FSTL4: variants seen among roughly 807,000 people sequenced by gnomAD.
FSTL4 encodes follistatin like 4, also known as follistatin-related protein 4.
Under a neutral mutation model 78.2 loss-of-function variants are expected in FSTL4, and 28 were observed. The observed-to-expected ratio is 0.36, with a 90% confidence interval of 0.27 to 0.49. The LOEUF is 0.49. Ranked by LOEUF, FSTL4 falls within the 20% of genes least tolerant of loss-of-function variation. The pLI is 0.98. For synonymous variants in FSTL4, 422 were observed against 440.5 expected (o/e 0.96, Z 0.53); for missense variants, 922 against 1,084.9 (o/e 0.85, Z 2.11).
At chr5:133,759,341 G>A in the FSTL4 span, among the ~76,000 whole-genome samples, 1 of 152,188 alleles carries the variant, frequency 6.6e-6, no homozygotes. Context: ...TCCTGTACAT[G>A]CATAGTGAGA....
intron 6 of FSTL4, among the ~76,000 whole-genome samples, chr5:133,272,424 G>A (rs1247475130): frequency 6.6e-6 from 1 of 152,210 alleles, no homozygotes; most frequent in African/African-American, 2.4e-5. Flanking sequence ...GGAGGCACGC[G>A]CGTGCAGCGC....
chr5:133,551,402 A>G (rs1386238404), intron 3 of FSTL4, among the ~76,000 whole-genome samples: 1 of 152,240 alleles, frequency 6.6e-6, no homozygotes, highest in East Asian at 1.9e-4. Context: ...TTTTATCAAA[A>G]CAATACTGCG....
intron 2 of FSTL4, among the ~76,000 whole-genome samples, chr5:133,600,720 T>A (rs1319789704): frequency 6.6e-6 from 1 of 152,234 alleles, no homozygotes; most frequent in African/African-American, 2.4e-5. Flanking sequence ...TACCCTTAGG[T>A]CAATCAAGTA....
At chr5:133,455,476 A>AG (rs1757469511) in intron 3 of FSTL4, among the ~76,000 whole-genome samples, 1 of 67,032 alleles carries the variant, frequency 1.5e-5, no homozygotes. Flanking sequence ...TTGTTTTTTA[A>AG]GCATATATAT....
In FSTL4 at chr5:133,440,029, G is replaced by A. The variant is rs746555527; in HGVS notation, c.161-39043C>T. Among the ~76,000 whole-genome samples the A allele has an allele frequency of 6.8e-4, 104 of 152,298 alleles. No homozygotes were observed. The Middle Eastern group carries it at 0.01, about 15-fold the overall frequency. On this transcript the variant is annotated intron_variant, in intron 3 of 15. Transcript: ENST00000265342. The surrounding 1 kb of genome is among the most constrained non-coding windows in gnomAD (Gnocchi z 4.1). Reference sequence around the variant, plus strand: ...ATGCTGCAGACCCACAGTTCTTAGTGAGCAGAGCCCTGGGGGTGGGGGACA... The same window carrying A: ...ATGCTGCAGACCCACAGTTCTTAGTAAGCAGAGCCCTGGGGGTGGGGGACA...
intron 6 of FSTL4, among the ~76,000 whole-genome samples, chr5:133,276,654 A>G (rs1041568293): frequency 6.6e-6 from 1 of 152,230 alleles, no homozygotes; most frequent in African/African-American, 2.4e-5. Flanking sequence ...TAACAGGAGC[A>G]TGTTTAAAAC....
chr5:133,347,140 G>C (rs374813859), intron 4 of FSTL4, among the ~76,000 whole-genome samples: 2 of 151,916 alleles, frequency 1.3e-5, no homozygotes, highest in East Asian at 3.9e-4. Flanking sequence ...ATCCCCGTTT[G>C]TCTGCTGCAT....
At chr5:133,516,213 ACC>A (rs1758849261) in intron 3 of FSTL4, among the ~76,000 whole-genome samples, 2 of 152,146 alleles carry the variant, frequency 1.3e-5, no homozygotes, top group Non-Finnish European at 2.9e-5. Flanking sequence ...GAAGGTCTAG[ACC>A]CTGCAGTTAG....
the FSTL4 span, among the ~76,000 whole-genome samples, chr5:133,730,190 A>G: frequency 1.3e-5 from 2 of 152,210 alleles, no homozygotes; most frequent in Non-Finnish European, 2.9e-5. Context: ...TCATGTGGGA[A>G]GATATAACTG....
chr5:133,782,330 C>G, the FSTL4 span, among the ~76,000 whole-genome samples: 1 of 152,246 alleles, frequency 6.6e-6, no homozygotes, highest in Non-Finnish European at 1.5e-5. Context: ...CACATTCTTC[C>G]CCTTCTAGAA....
chr5:133,551,806 G>T (rs1228975829), intron 3 of FSTL4, among the ~76,000 whole-genome samples: 1 of 152,186 alleles, frequency 6.6e-6, no homozygotes, highest in African/African-American at 2.4e-5. Flanking sequence ...CAAAATATCA[G>T]TTGGAAATAT....
intron 4 of FSTL4, among the ~76,000 whole-genome samples, chr5:133,324,505 C>T (rs780659241): frequency 3.7e-4 from 57 of 152,244 alleles, no homozygotes; most frequent in East Asian, 5.8e-4. Context: ...TCCTGCCTAA[C>T]GGGCACCCTC....
chr5:133,691,911 A>G, the FSTL4 span, among the ~76,000 whole-genome samples: 1 of 152,188 alleles, frequency 6.6e-6, no homozygotes, highest in Non-Finnish European at 1.5e-5. Context: ...GGTTTACTGA[A>G]CACCTACCAT....
chr5:133,465,178 G>T (rs1238617874), intron 3 of FSTL4, among the ~76,000 whole-genome samples: 2 of 152,162 alleles, frequency 1.3e-5, no homozygotes, highest in Non-Finnish European at 2.9e-5. Context: ...TGCCACATTG[G>T]TCTCCCCTGG....
At chr5:133,267,906 T>C (rs1420910225) in intron 6 of FSTL4, among the ~76,000 whole-genome samples, 1 of 152,176 alleles carries the variant, frequency 6.6e-6, no homozygotes, top group Non-Finnish European at 1.5e-5. Context: ...GCACGTGAGC[T>C]ACACATTCAG....
At chr5:133,201,771 C>G (rs1440596389) in intron 15 of FSTL4, among the ~76,000 whole-genome samples, 162 bp downstream of exon 15, 1 of 152,200 alleles carries the variant, frequency 6.6e-6, no homozygotes, top group Non-Finnish European at 1.5e-5. Flanking sequence ...GGCTCTGGGT[C>G]TGTTTTACTG....
At chr5:133,819,984 T>G in the FSTL4 span, among the ~76,000 whole-genome samples, 2 of 152,176 alleles carry the variant, frequency 1.3e-5, no homozygotes, top group South Asian at 4.1e-4. Flanking sequence ...GTACACTGAC[T>G]TGCTCAAGGT....
In FSTL4 at chr5:133,236,737, C is replaced by T. The variant is rs921144315; in HGVS notation, c.895-3200G>A. On this transcript the variant is annotated intron_variant, in intron 7 of 15. Coordinates refer to ENST00000265342, the MANE Select transcript of FSTL4 (RefSeq NM_015082.2). This position sits in a 1 kb window ranked among gnomAD's most constrained non-coding sequence, Gnocchi z 5.0. ...TTGCTCTAGTGTGCCAGGCATGCTC[C>T]CCTCCTCCCAGGCTGTCTGTCTGTC... Among the ~76,000 whole-genome samples, 16 of 152,336 alleles carry T rather than the reference C, an allele frequency of 1.1e-4. No individual in the cohort carries two copies. Among genetic ancestry groups the T allele is most frequent in the African/African-American group, 3.6e-4 (15 of 41,580 alleles).
intron 6 of FSTL4, among the ~76,000 whole-genome samples, chr5:133,287,387 C>CAA (rs56209403): frequency 0.058 from 5,963 of 102,932 alleles, 156 homozygotes; most frequent in African/African-American, 0.065. Flanking sequence ...GACTCCATCT[C>CAA]AAAAAAAAAA....
Sources: gnomAD v4.1 joint callset for allele counts (sites outside exome capture counted in the v4.1 genomes callset) on GRCh38, gnomAD v4.1.1 for gene constraint, Gnocchi (gnomAD v3.1) non-coding constraint, MANE v1.5 for transcripts, NCBI Gene and HGNC (gene_info 2026-07-23, HGNC 2026-07-21) for gene names.